The following SH3BP4 variants were observed in gnomAD, a reference collection of about 807,000 sequenced individuals.
SH3BP4 encodes the protein SH3 domain-binding protein 4.
SH3BP4 carries 33 observed loss-of-function variants against 65.5 expected under a neutral mutation model. The ratio of observed to expected loss-of-function variants is 0.50; its 90% CI spans 0.38 to 0.67. The LOEUF is 0.67. Among genes scored for constraint, SH3BP4 ranks in the 30% least tolerant of loss-of-function variants. The probability of loss-of-function intolerance (pLI) is 0.00; values close to 1 mark genes in which losing one functional copy is unlikely to be tolerated. For missense variants in SH3BP4, 1,134 were observed against 1,261.4 expected (o/e 0.90, Z 1.53); for synonymous variants, 552 against 545.5 (o/e 1.01, Z -0.17).
chr2:235,016,884 G>A (rs1694700326), intron 2 of SH3BP4, among the ~76,000 whole-genome samples: 1 of 152,118 alleles, frequency 6.6e-6, no homozygotes, highest in Admixed American at 6.5e-5. Context: ...CTAATGCAGA[G>A]ATGCGGGTTT....
At position 234,974,607 on chromosome 2, in the gene SH3BP4, C is replaced by T. The variant is rs968588291; in HGVS notation, c.-206-20696C>T. On this transcript the variant is annotated intron_variant, in intron 1 of 5. Coordinates refer to ENST00000392011, the MANE Select transcript of SH3BP4 (RefSeq NM_014521.3). The surrounding 1 kb of genome is among the most constrained non-coding windows in gnomAD (Gnocchi z 4.6). ...GTTTCTTGCCTTAGTGTTAGGCTGG[C>T]GCGGGCCTTCTGGTGCTCAGGGCCC... Among the ~76,000 whole-genome samples, 9 of 152,302 alleles carry T rather than the reference C, an allele frequency of 5.9e-5. No homozygotes were observed. Among genetic ancestry groups the T allele is most frequent in the African/African-American group, 1.7e-4 (7 of 41,570 alleles).
At chr2:235,000,506 C>A (rs1574807975) in intron 2 of SH3BP4, among the ~76,000 whole-genome samples, 1 of 152,272 alleles carries the variant, frequency 6.6e-6, no homozygotes, top group African/African-American at 2.4e-5. Context: ...TAACACGGGG[C>A]CCCTCCTTCC....
chr2:235,020,938 A>G (rs578014075), intron 2 of SH3BP4, among the ~76,000 whole-genome samples: 1 of 152,336 alleles, frequency 6.6e-6, no homozygotes, highest in South Asian at 2.1e-4. Context: ...TCTTGACACC[A>G]GGGAGGGGCA....
chr2:235,032,041 C>T (rs1025511709), intron 2 of SH3BP4, among the ~76,000 whole-genome samples: 3 of 152,216 alleles, frequency 2.0e-5, no homozygotes, highest in Non-Finnish European at 2.9e-5. Flanking sequence ...GCGCGGTGGC[C>T]GAGGTGGCCG....
intron 1 of SH3BP4, among the ~76,000 whole-genome samples, chr2:234,984,533 G>A (rs4663532): frequency 0.27 from 41,468 of 151,968 alleles, 6,093 homozygotes; most frequent in East Asian, 0.59. Context: ...AATGTCAGAT[G>A]AGGAATCAAT....
At chr2:234,962,380 T>C (rs966027199) in intron 1 of SH3BP4, among the ~76,000 whole-genome samples, 1 of 152,056 alleles carries the variant, frequency 6.6e-6, no homozygotes, top group African/African-American at 2.4e-5. Flanking sequence ...TCAAGTGATC[T>C]GCCCGCCTTG....
At chr2:234,998,949 T>C (rs1271151246) in intron 2 of SH3BP4, among the ~76,000 whole-genome samples, 10 of 152,174 alleles carry the variant, frequency 6.6e-5, no homozygotes, top group Admixed American at 6.5e-4. Context: ...CTCCCCGTAA[T>C]CAGCAGATAA....
At chr2:235,031,184 G>A (rs1695188728) in intron 2 of SH3BP4, among the ~76,000 whole-genome samples, 1 of 152,110 alleles carries the variant, frequency 6.6e-6, no homozygotes, top group African/African-American at 2.4e-5. Context: ...CTCTCGGCCT[G>A]AAAAGGGGAG....
intron 2 of SH3BP4, among the ~76,000 whole-genome samples, chr2:235,025,264 T>C (rs762026307): frequency 7.2e-5 from 11 of 151,984 alleles, no homozygotes; most frequent in Non-Finnish European, 1.5e-4. Context: ...GGAAGGAAGA[T>C]GTAGGTGAAG....
chr2:234,992,120 C>T (rs1285063826), intron 1 of SH3BP4, among the ~76,000 whole-genome samples: 1 of 152,212 alleles, frequency 6.6e-6, no homozygotes, highest in Non-Finnish European at 1.5e-5. Flanking sequence ...TGCTGAAAGC[C>T]ACAGTGACGG....
intron 1 of SH3BP4, among the ~76,000 whole-genome samples, chr2:234,961,565 C>T (rs1259717991): frequency 6.6e-6 from 1 of 152,194 alleles, no homozygotes; most frequent in African/African-American, 2.4e-5. Context: ...AGCCACTGCG[C>T]CCGGCCTCCA....
chr2:235,029,915 G>C (rs1695126364), intron 2 of SH3BP4, among the ~76,000 whole-genome samples: 1 of 152,190 alleles, frequency 6.6e-6, no homozygotes, highest in Non-Finnish European at 1.5e-5. Flanking sequence ...GGAGAGAGAA[G>C]ATGGGCTTCC....
intron 2 of SH3BP4, among the ~76,000 whole-genome samples, chr2:235,011,645 T>C (rs1694509276): frequency 2.0e-5 from 3 of 152,252 alleles, no homozygotes; most frequent in South Asian, 2.1e-4. Context: ...GTCTTGCTTT[T>C]CTTTGTATTC....
chr2:235,035,571 G>A lies in SH3BP4; in HGVS notation c.118+451G>A, dbSNP rs944745977. Among the ~76,000 whole-genome samples the A allele has an allele frequency of 1.3e-5, 2 of 152,184 alleles. No homozygotes were observed. The highest frequency in any genetic ancestry group is 2.9e-5 in the Non-Finnish European group (2 of 68,040). On this transcript the variant is annotated intron_variant, in intron 3 of 5. Coordinates refer to ENST00000392011, the MANE Select transcript of SH3BP4 (RefSeq NM_014521.3). The surrounding 1 kb of genome is among the most constrained non-coding windows in gnomAD (Gnocchi z 5.0). ...ACCATCTCTGTCACAACTATTCATT[G>A]CTGCCTCGTTGCATGAAAGCATCCA...
intron 1 of SH3BP4, among the ~76,000 whole-genome samples, chr2:234,962,544 A>G (rs1334795539): frequency 6.6e-6 from 1 of 152,196 alleles, no homozygotes; most frequent in Non-Finnish European, 1.5e-5. Context: ...AAACACTAGA[A>G]AATGTAAAAA....
intron 1 of SH3BP4, among the ~76,000 whole-genome samples, chr2:234,966,337 C>A (rs904855934): frequency 6.6e-6 from 1 of 152,132 alleles, no homozygotes; most frequent in African/African-American, 2.4e-5. Context: ...CCATTGCACT[C>A]CAGCCTGGGC....
In SH3BP4 at chr2:234,985,199, A is replaced by G. The variant is rs187582781; in HGVS notation, c.-206-10104A>G. Among the ~76,000 whole-genome samples the G allele has an allele frequency of 5.0e-3, 766 of 152,214 alleles. 9 individuals carry two copies. Among genetic ancestry groups the G allele is most frequent in the African/African-American group, 0.017 (718 of 41,464 alleles). ...AGTAGTGAGTGTACAAAGATCTACT[A>G]TAGCTGGCCTTCACTTCCACGAAGT... On this transcript the variant is annotated intron_variant, in intron 1 of 5. Transcript: ENST00000392011.
intron 1 of SH3BP4, among the ~76,000 whole-genome samples, chr2:234,990,364 A>T (rs1346299765): frequency 6.6e-6 from 1 of 152,194 alleles, no homozygotes; most frequent in Non-Finnish European, 1.5e-5. Flanking sequence ...GTGGAGGCTT[A>T]AAAAATCTAA....
At position 235,033,744 on chromosome 2, in the gene SH3BP4, G is replaced by T. The variant is rs899891176; in HGVS notation, c.-132-1127G>T. 5.9e-5 allele frequency among the ~76,000 whole-genome samples: 9 copies of T among 151,796 alleles called. No homozygotes were observed. The highest frequency in any genetic ancestry group is 2.2e-4 in the African/African-American group (9 of 41,066). Reference sequence around the variant, plus strand: ...CCAAGCCATGCTCACTGCACATGGAGCCTGGGGGAAGAGTGGGGATGGTCA... The same window carrying T: ...CCAAGCCATGCTCACTGCACATGGATCCTGGGGGAAGAGTGGGGATGGTCA... On this transcript the variant is annotated intron_variant, in intron 2 of 5. Transcript: ENST00000392011. This position sits in a 1 kb window ranked among gnomAD's most constrained non-coding sequence, Gnocchi z 5.7.
Sources: gnomAD v4.1 joint callset for allele counts (sites outside exome capture counted in the v4.1 genomes callset) on GRCh38, gnomAD v4.1.1 for gene constraint, Gnocchi (gnomAD v3.1) non-coding constraint, MANE v1.5 for transcripts, NCBI Gene and HGNC (gene_info 2026-07-23, HGNC 2026-07-21) for gene names.